Variants in EPHB1 observed in about 807,000 individuals in gnomAD.
The protein encoded by EPHB1 is EPH receptor B1.
Under a neutral mutation model 94.4 loss-of-function variants are expected in EPHB1, and 30 were observed. That is an observed-to-expected ratio of 0.32 (90% CI 0.24 to 0.43). EPHB1 has a LOEUF of 0.43. EPHB1 is among the 20% of genes least tolerant of loss of function. EPHB1 has a pLI of 1.00. For synonymous variants in EPHB1, 522 were observed against 489.1 expected, an observed-to-expected ratio of 1.07 and a Z score of -0.89; for missense variants, 1,055 against 1,308.3, an observed-to-expected ratio of 0.81 and a Z score of 2.99.
chr3:135,005,501 T>A (rs532241463), intron 3 of EPHB1, among the ~76,000 whole-genome samples: 1 of 152,204 alleles, frequency 6.6e-6, no homozygotes, highest in Non-Finnish European at 1.5e-5. Context: ...TAGAGCTTCC[T>A]GGCTGCTTTG....
chr3:135,094,422 C>A (rs1259731546), intron 3 of EPHB1, among the ~76,000 whole-genome samples: 12 of 152,090 alleles, frequency 7.9e-5, no homozygotes, highest in Admixed American at 7.9e-4. Flanking sequence ...TCTGTGGGGG[C>A]AGATCGACAT....
At chr3:134,984,232 G>T (rs145979738) in intron 3 of EPHB1, among the ~76,000 whole-genome samples, 8 of 152,092 alleles carry the variant, frequency 5.3e-5, no homozygotes, top group African/African-American at 1.9e-4. Context: ...GCTTTTTGAT[G>T]ATCCTCTTCT....
intron 11 of EPHB1, among the ~76,000 whole-genome samples, chr3:135,198,667 T>G (rs1942684264): frequency 6.6e-6 from 1 of 152,196 alleles, no homozygotes; most frequent in Non-Finnish European, 1.5e-5. Context: ...CACACTCATC[T>G]GAGGTACAGG....
chr3:135,225,831 T>G (rs899833425), intron 12 of EPHB1, among the ~76,000 whole-genome samples: 5 of 151,616 alleles, frequency 3.3e-5, no homozygotes, highest in African/African-American at 9.7e-5. Flanking sequence ...CTGTAAACCG[T>G]AGGCCCAAGC....
intron 1 of EPHB1, among the ~76,000 whole-genome samples, chr3:134,897,481 A>G (rs1254731383): frequency 6.6e-6 from 1 of 152,102 alleles, no homozygotes; most frequent in Non-Finnish European, 1.5e-5. Context: ...TCCTCACATC[A>G]CAGGTGTGTT....
At chr3:135,244,364 GC>G (rs1384505119) in intron 13 of EPHB1, among the ~76,000 whole-genome samples, 5 of 152,130 alleles carry the variant, frequency 3.3e-5, no homozygotes, top group Non-Finnish European at 7.4e-5. Context: ...TGGTCTCCTT[GC>G]CCCCAGAGCT....
chr3:135,178,451 A>T (rs999046223), intron 9 of EPHB1, among the ~76,000 whole-genome samples: 2 of 135,710 alleles, frequency 1.5e-5, no homozygotes, highest in Non-Finnish European at 3.1e-5. Context: ...ACAGAGCAAG[A>T]CTGTCTCAAA....
intron 1 of EPHB1, among the ~76,000 whole-genome samples, chr3:134,907,369 A>C (rs545939511): frequency 2.0e-5 from 3 of 152,350 alleles, no homozygotes; most frequent in African/African-American, 7.2e-5. Flanking sequence ...AAAGCTTTGC[A>C]TCATTTTTCT....
At position 135,033,556 on chromosome 3, in the gene EPHB1, T is replaced by A. The variant is rs142815367; in HGVS notation, c.806-72892T>A. 8.9e-4 allele frequency among the ~76,000 whole-genome samples: 135 copies of A among 152,182 alleles called. 1 individual carries two copies. The highest frequency in any genetic ancestry group is 4.4e-5 in the Non-Finnish European group (3 of 68,004). On this transcript the variant is annotated intron_variant, in intron 3 of 15. Transcript: ENST00000398015. ...CATGCATTTGGAGGGTCTAGGAAAGTTACCACTGTTCATTGAGGACCTGCT... is the reference window on the plus strand; with the variant it reads ...CATGCATTTGGAGGGTCTAGGAAAGATACCACTGTTCATTGAGGACCTGCT...
chr3:135,232,096 G>C (rs1943545228), intron 12 of EPHB1, among the ~76,000 whole-genome samples: 1 of 152,184 alleles, frequency 6.6e-6, no homozygotes, highest in South Asian at 2.1e-4. Context: ...TCCACTAGCT[G>C]TTAGAAGCTG....
rs1424213544 is a variant in EPHB1, at chr3:135,076,260, T to TATATATATATATAA, written c.806-30187_806-30186insTATATATATATAAA. ...ATATATATATATATATATATATATA[T>TATATATATATATAA]AACTCTTAAATGCATTAGTAAAAAG... On this transcript the variant is annotated intron_variant, in intron 3 of 15. Coordinates refer to ENST00000398015, the MANE Select transcript of EPHB1 (RefSeq NM_004441.5). Among the ~76,000 whole-genome samples, 333 of 104,262 alleles carry TATATATATATATAA rather than the reference T, an allele frequency of 3.2e-3. 8 individuals carry two copies. Among genetic ancestry groups the TATATATATATATAA allele is most frequent in the African/African-American group, 0.011 (311 of 27,570 alleles). The allele number at this position is 104,262 out of a possible 152,430, so 68.4% of individuals were successfully genotyped here. A position where few individuals can be genotyped will look rare whatever the true frequency, so the allele number is the denominator to read the frequency against.
At chr3:135,046,625 T>C (rs1467452285) in intron 3 of EPHB1, among the ~76,000 whole-genome samples, 1 of 152,220 alleles carries the variant, frequency 6.6e-6, no homozygotes, top group Non-Finnish European at 1.5e-5. Context: ...AATCCTTCAA[T>C]TGAGAAATAC....
chr3:135,189,352 A>G (rs1333600969), intron 10 of EPHB1, among the ~76,000 whole-genome samples: 3 of 152,200 alleles, frequency 2.0e-5, no homozygotes, highest in Non-Finnish European at 4.4e-5. Flanking sequence ...GGATGGTTTA[A>G]GCCTATGGTT....
intron 1 of EPHB1, among the ~76,000 whole-genome samples, chr3:134,860,164 C>CACAG (rs1553858699): frequency 2.0e-4 from 26 of 131,340 alleles, no homozygotes; most frequent in Non-Finnish European, 2.7e-4. Flanking sequence ...CACACACACA[C>CACAG]ACACACAGAC....
intron 12 of EPHB1, among the ~76,000 whole-genome samples, chr3:135,204,604 G>A (rs986748495): frequency 2.0e-5 from 3 of 151,994 alleles, no homozygotes; most frequent in African/African-American, 7.2e-5. Context: ...GGGTTCAAGC[G>A]ATCCTCCTGC....
Position 135,022,702 on chromosome 3 carries a change from G to A in EPHB1, c.805+70650G>A, listed in dbSNP as rs561585720. Among the ~76,000 whole-genome samples, 5 of 152,264 alleles carry A rather than the reference G, an allele frequency of 3.3e-5. No individual in the cohort carries two copies. In the South Asian group the frequency reaches 8.3e-4, roughly 25 times the overall value. The stretch of plus-strand genomic sequence containing the variant: ...AAAACAGAAGACAACACTGTCTGTT[G>A]TTGTATCCCCTTCCTTATTACTTGT... On this transcript the variant is annotated intron_variant, in intron 3 of 15. Coordinates refer to ENST00000398015, the MANE Select transcript of EPHB1 (RefSeq NM_004441.5).
At chr3:134,821,449 A>G (rs891097814) in intron 1 of EPHB1, among the ~76,000 whole-genome samples, 4 of 152,280 alleles carry the variant, frequency 2.6e-5, no homozygotes, top group Non-Finnish European at 5.9e-5. Flanking sequence ...GTAAAAAAAA[A>G]AAATACCCAG....
chr3:135,048,253 TTTTTTC>T (rs1385705324), intron 3 of EPHB1, among the ~76,000 whole-genome samples: 2 of 131,168 alleles, frequency 1.5e-5, no homozygotes, highest in African/African-American at 6.4e-5. Context: ...TCTTTCTTTC[TTTTTTC>T]TTTTTTTTTT....
intron 3 of EPHB1, among the ~76,000 whole-genome samples, chr3:134,991,836 A>AC (rs1444758245): frequency 6.6e-6 from 1 of 151,742 alleles, no homozygotes; most frequent in East Asian, 1.9e-4. Context: ...AGTCTTGCTG[A>AC]CCCCTCCAAT....
Sources: gnomAD v4.1 joint callset for allele counts (sites outside exome capture counted in the v4.1 genomes callset) on GRCh38, gnomAD v4.1.1 for gene constraint, MANE v1.5 for transcripts, NCBI Gene and HGNC (gene_info 2026-07-23, HGNC 2026-07-21) for gene names.